RTN4IP1: variants seen among roughly 807,000 people sequenced by gnomAD.
The protein encoded by RTN4IP1 is reticulon 4 interacting protein 1, also known as NAD(P)H oxidoreductase RTN4IP1, mitochondrial.
In RTN4IP1, 32 loss-of-function variants were observed where a neutral mutation model predicts 46.6. The observed-to-expected ratio is 0.69, with a 90% confidence interval of 0.52 to 0.92. The LOEUF is 0.92. Ranked by LOEUF, RTN4IP1 falls within the 40% of genes least tolerant of loss-of-function variation. The pLI is 0.00. For missense variants in RTN4IP1, 424 were observed against 485.8 expected (o/e 0.87, Z 1.20); for synonymous variants, 167 against 161.8 (o/e 1.03, Z -0.24).
intron 1 of RTN4IP1, among the ~76,000 whole-genome samples, chr6:106,625,761 T>C (rs1445132059): frequency 6.6e-6 from 1 of 150,760 alleles, no homozygotes; most frequent in Non-Finnish European, 1.5e-5. Flanking sequence ...CCTCCCGGGT[T>C]CAAGCGATTC....
chr6:106,621,843 C>T lies in RTN4IP1; in HGVS notation c.427-350G>A, dbSNP rs146210437. ...TTCCTCATCTGTAAACTGGGCCTAA[C>T]TTTATCTACCTCAGAGGGATTAGAT... On this transcript the variant is annotated intron_variant, in intron 2 of 8. Coordinates refer to ENST00000369063, the MANE Select transcript of RTN4IP1 (RefSeq NM_032730.5). Among the ~76,000 whole-genome samples, 41 of 152,238 alleles carry T rather than the reference C, an allele frequency of 2.7e-4. No homozygotes were observed. In the East Asian group the frequency reaches 6.6e-3, roughly 24 times the overall value.
At chr6:106,607,468 C>G (rs1204894298) in intron 4 of RTN4IP1, among the ~76,000 whole-genome samples, 1 of 152,032 alleles carries the variant, frequency 6.6e-6, no homozygotes, top group East Asian at 1.9e-4. Context: ...TATTCAAACT[C>G]TACAACCAAC....
intron 4 of RTN4IP1, among the ~76,000 whole-genome samples, chr6:106,611,061 A>AC (rs1413044113): frequency 1.3e-5 from 2 of 151,854 alleles, no homozygotes; most frequent in East Asian, 3.9e-4. Context: ...AAAAAAAAAC[A>AC]AAAACACGAA....
chr6:106,606,996 A>T (rs2883075), intron 4 of RTN4IP1, among the ~76,000 whole-genome samples: 107,530 of 151,998 alleles, frequency 0.71, 39,339 homozygotes, highest in Non-Finnish European at 0.81. Context: ...CCTGACTTCA[A>T]ACTATACCAC....
intron 4 of RTN4IP1, among the ~76,000 whole-genome samples, chr6:106,604,128 A>G (rs1776005646): frequency 1.3e-5 from 2 of 152,128 alleles, no homozygotes; most frequent in South Asian, 2.1e-4. Context: ...AAGTACACCA[A>G]ATCTTGGAAC....
chr6:106,598,324 T>C (rs1775853841), intron 5 of RTN4IP1, among the ~76,000 whole-genome samples: 1 of 152,104 alleles, frequency 6.6e-6, no homozygotes, highest in African/African-American at 2.4e-5. Context: ...AGTGTAAAAG[T>C]GTTCCTATTT....
rs187607703 is a variant in RTN4IP1 at position 106,626,341 on chromosome 6, C to T, written c.274+2407G>A. 2.2e-3 allele frequency among the ~76,000 whole-genome samples: 331 copies of T among 152,036 alleles called. 1 individual carries two copies. The highest frequency in any genetic ancestry group is 3.4e-3 in the Non-Finnish European group (232 of 67,962). On this transcript the variant is annotated intron_variant, in intron 1 of 8. Coordinates refer to ENST00000369063, the MANE Select transcript of RTN4IP1 (RefSeq NM_032730.5). Reference sequence around the variant, plus strand: ...CCATCTGGGGAGTCAGGATTATACTCTGTCAGGGAAAAAAAAAACAACTTC... The same window carrying T: ...CCATCTGGGGAGTCAGGATTATACTTTGTCAGGGAAAAAAAAAACAACTTC...
chr6:106,615,911 C>T (rs948331460), intron 4 of RTN4IP1, among the ~76,000 whole-genome samples: 1 of 152,122 alleles, frequency 6.6e-6, no homozygotes, highest in South Asian at 2.1e-4. Context: ...TTTCACTTGA[C>T]ATTTTCTTTT....
rs760177595 is a variant in RTN4IP1, at chr6:106,587,685, T to C, written c.984A>G (p.Ala328=). 7.5e-6 allele frequency: 12 copies of C among 1,609,274 alleles called. No individual in the cohort carries two copies. Among genetic ancestry groups the C allele is most frequent in the Non-Finnish European group, 9.3e-6 (11 of 1,177,580 alleles). Residue 328 remains alanine, a synonymous_variant, in exon 7 of 9, where the codon GCA becomes GCG. Transcript: ENST00000369063. ...LQTGVTVGSK[A]LKHFWKGVHY... ...CCAAGACCCTTCTTCCTACCTTTAA[T>C]GCCTTTGAACCTACAGTGACTCCTG...
chr6:106,588,303 T>A (rs531729445), intron 6 of RTN4IP1, among the ~76,000 whole-genome samples: 1 of 152,332 alleles, frequency 6.6e-6, no homozygotes, highest in East Asian at 1.9e-4. Flanking sequence ...TGCAAAGCTT[T>A]CCATTCTCTA....
chr6:106,628,192 G>C (rs902213554), intron 1 of RTN4IP1, among the ~76,000 whole-genome samples: 2 of 152,004 alleles, frequency 1.3e-5, no homozygotes, highest in African/African-American at 4.8e-5. Context: ...AACATAGGCA[G>C]GGCGCAATGG....
intron 4 of RTN4IP1, among the ~76,000 whole-genome samples, chr6:106,610,181 C>G (rs1381715244): frequency 2.0e-5 from 3 of 152,128 alleles, no homozygotes; most frequent in Non-Finnish European, 4.4e-5. Context: ...CCTGACTCAG[C>G]CTCCTGAGTA....
intron 5 of RTN4IP1, 47 bp from the exon 6 acceptor site, chr6:106,592,347 G>A (rs1562138839): frequency 1.1e-5 from 18 of 1,583,036 alleles, no homozygotes; most frequent in Non-Finnish European, 1.5e-5. Flanking sequence ...GGAGAGATTA[G>A]AAAAACTGAC....
At chr6:106,626,525 AG>A (rs1776649953) in intron 1 of RTN4IP1, among the ~76,000 whole-genome samples, 1 of 152,232 alleles carries the variant, frequency 6.6e-6, no homozygotes, top group Non-Finnish European at 1.5e-5. Context: ...GCTGTTTAAG[AG>A]CTGCAGAAAG....
intron 5 of RTN4IP1, among the ~76,000 whole-genome samples, chr6:106,598,037 A>G (rs560108952): frequency 2.6e-5 from 4 of 152,260 alleles, no homozygotes; most frequent in Non-Finnish European, 5.9e-5. Context: ...ATCATTTTTT[A>G]TGGCTGCATA....
At chr6:106,629,642 C>A (rs144848117), upstream of RTN4IP1, 4 of 1,587,146 alleles carry the variant, frequency 2.5e-6, no homozygotes, top group Non-Finnish European at 3.4e-6. Context: ...CTTTTTCCCC[C>A]TTGCCTGGCT....
intron 8 of RTN4IP1, among the ~76,000 whole-genome samples, chr6:106,578,429 C>T (rs531617859): frequency 1.3e-4 from 20 of 152,282 alleles, no homozygotes; most frequent in African/African-American, 3.8e-4. Context: ...TATTCAATGG[C>T]ATATGCGTGA....
chr6:106,597,403 G>C (rs1310581569), intron 5 of RTN4IP1, among the ~76,000 whole-genome samples: 3 of 152,088 alleles, frequency 2.0e-5, no homozygotes, highest in Non-Finnish European at 2.9e-5. Context: ...GAAGTGCAGT[G>C]GTGTGATCAC....
chr6:106,573,868 G>A (rs1446057178), intron 8 of RTN4IP1, among the ~76,000 whole-genome samples: 3 of 152,192 alleles, frequency 2.0e-5, no homozygotes, highest in Non-Finnish European at 4.4e-5. Flanking sequence ...CCTTCCTTGT[G>A]CCAGCTGAGG....
Sources: allele counts gnomAD v4.1 joint callset (sites outside exome capture counted in the v4.1 genomes callset), GRCh38; gene constraint gnomAD v4.1.1; transcripts MANE v1.5; gene names NCBI Gene and HGNC (gene_info 2026-07-23, HGNC 2026-07-21).